The following SENP7 variants were observed in gnomAD, a reference collection of about 807,000 sequenced individuals.
SENP7 encodes the protein SUMO specific peptidase 7, also known as sentrin-specific protease 7.
In SENP7, 64 loss-of-function variants were observed where a neutral mutation model predicts 141.2. The ratio of observed to expected loss-of-function variants is 0.45; its 90% CI spans 0.37 to 0.56. SENP7 has a LOEUF of 0.56. Ranked by LOEUF, SENP7 falls within the 20% of genes least tolerant of loss-of-function variation. The pLI is 0.00. For synonymous variants in SENP7, 382 were observed against 426.4 expected, an observed-to-expected ratio of 0.90 and a Z score of 1.28; for missense variants, 1,025 against 1,212.2, an observed-to-expected ratio of 0.85 and a Z score of 2.29.
At chr3:101,449,239 G>A (rs999205475) in intron 4 of SENP7, among the ~76,000 whole-genome samples, 7 of 152,174 alleles carry the variant, frequency 4.6e-5, no homozygotes, top group Non-Finnish European at 8.8e-5. Context: ...CCAAATCTAC[G>A]TCTGATTGGT....
chr3:101,492,936 A>G (rs2065020871), intron 3 of SENP7, among the ~76,000 whole-genome samples: 2 of 152,156 alleles, frequency 1.3e-5, no homozygotes, highest in Admixed American at 1.3e-4. Flanking sequence ...GGATTCAATG[A>G]GCTATGAGTG....
chr3:101,381,260 G>A (rs899168185), intron 6 of SENP7, among the ~76,000 whole-genome samples: 1 of 152,054 alleles, frequency 6.6e-6, no homozygotes, highest in African/African-American at 2.4e-5. Context: ...TTAGACCTGT[G>A]TTATAGTTCT....
chr3:101,341,576 G>A, intron 15 of SENP7, 70 bp downstream of exon 15: 4 of 1,291,476 alleles, frequency 3.1e-6, no homozygotes, highest in Non-Finnish European at 4.1e-6. Context: ...TTAAACTACT[G>A]AAAAGCAGCA....
intron 4 of SENP7, among the ~76,000 whole-genome samples, chr3:101,452,805 G>A (rs1342194958): frequency 1.3e-5 from 2 of 152,180 alleles, no homozygotes; most frequent in Non-Finnish European, 2.9e-5. Flanking sequence ...ATAGGCATGG[G>A]CAAGGACTTC....
At chr3:101,424,654 C>T (rs1559804141) in intron 4 of SENP7, among the ~76,000 whole-genome samples, 2 of 152,102 alleles carry the variant, frequency 1.3e-5, no homozygotes, top group Non-Finnish European at 2.9e-5. Flanking sequence ...CCACCACACC[C>T]GTGCCAACAT....
At chr3:101,343,457 CTATT>C (rs2059379809) in intron 14 of SENP7, among the ~76,000 whole-genome samples, 1 of 151,906 alleles carries the variant, frequency 6.6e-6, no homozygotes, top group African/African-American at 2.4e-5. Context: ...ACTCAGTTAT[CTATT>C]TATATAAATA....
At chr3:101,417,104 T>C (rs2061646137) in intron 5 of SENP7, among the ~76,000 whole-genome samples, 1 of 152,140 alleles carries the variant, frequency 6.6e-6, no homozygotes, top group South Asian at 2.1e-4. Context: ...AGAGGCAATA[T>C]TTTAACATCA....
At chr3:101,388,559 A>G (rs778344208) in intron 6 of SENP7, among the ~76,000 whole-genome samples, 1 of 152,256 alleles carries the variant, frequency 6.6e-6, no homozygotes, top group African/African-American at 2.4e-5. Flanking sequence ...AGATGTGCAG[A>G]TATCAATGTA....
intron 14 of SENP7, among the ~76,000 whole-genome samples, chr3:101,342,054 C>A (rs1037369255): frequency 6.6e-6 from 1 of 151,428 alleles, no homozygotes; most frequent in South Asian, 2.1e-4. Flanking sequence ...TCAAAATAAT[C>A]AAAAAATGTA....
chr3:101,422,864 G>C (rs1482039465), intron 4 of SENP7, among the ~76,000 whole-genome samples: 2 of 151,168 alleles, frequency 1.3e-5, no homozygotes, highest in East Asian at 3.9e-4. Context: ...AAATACACTG[G>C]TTTTCCAGAA....
At chr3:101,381,350 T>G (rs1422359245) in intron 6 of SENP7, among the ~76,000 whole-genome samples, 1 of 152,156 alleles carries the variant, frequency 6.6e-6, no homozygotes, top group Non-Finnish European at 1.5e-5. Flanking sequence ...CTCCTATCTA[T>G]CTCATAGGCC....
chr3:101,441,629 C>T (rs1410508747), intron 4 of SENP7, among the ~76,000 whole-genome samples: 4 of 152,162 alleles, frequency 2.6e-5, no homozygotes, highest in African/African-American at 7.2e-5. Context: ...CTGTCACCTA[C>T]CTCGGCCACA....
In SENP7 at chr3:101,501,492, A is replaced by G. The variant is rs73862805; in HGVS notation, c.41-373T>C. On this transcript the variant is annotated intron_variant, in intron 1 of 23. Transcript: ENST00000394095. ...AAATTCTTATAATGGGGGAGGTAGA[A>G]GCAGGTGAAATTCTAGAAGTTAGAA... is the stretch of plus-strand genomic sequence containing the variant. Among the ~76,000 whole-genome samples the G allele has an allele frequency of 9.7e-3, 1,481 of 152,256 alleles. 28 individuals carry two copies. Among genetic ancestry groups the G allele is most frequent in the African/African-American group, 0.034 (1,400 of 41,540 alleles).
At chr3:101,485,911 GA>G in intron 3 of SENP7, among the ~76,000 whole-genome samples, 1 of 151,846 alleles carries the variant, frequency 6.6e-6, no homozygotes, top group Admixed American at 6.6e-5. Flanking sequence ...ATCGCTTAAA[GA>G]AAAAAAACAA....
intron 5 of SENP7, among the ~76,000 whole-genome samples, chr3:101,417,195 A>AT (rs2061648062): frequency 6.6e-6 from 1 of 151,888 alleles, no homozygotes; most frequent in African/African-American, 2.4e-5. Flanking sequence ...TAACATTTTG[A>AT]AAGAATGTTA....
At chr3:101,347,109 C>T (rs115967939) in intron 13 of SENP7, among the ~76,000 whole-genome samples, 2 of 151,918 alleles carry the variant, frequency 1.3e-5, no homozygotes, top group Non-Finnish European at 1.5e-5. Flanking sequence ...GTAGTCCCAG[C>T]TACTTGGGAG....
At chr3:101,359,276 G>T (rs1345298491) in intron 11 of SENP7, 1 of 151,922 alleles carries the variant, frequency 6.6e-6, no homozygotes, top group Non-Finnish European at 1.5e-5. Flanking sequence ...AGCCATTAAT[G>T]CTAGTGATTT....
chr3:101,348,124 A>C, intron 12 of SENP7, 73 bp from the exon 13 acceptor site: 1 of 871,824 alleles, frequency 1.1e-6, no homozygotes, highest in East Asian at 2.7e-5. Context: ...ATTATATGAC[A>C]CTTGTTAATA....
chr3:101,395,365 A>G (rs185166675), intron 6 of SENP7, among the ~76,000 whole-genome samples: 4 of 152,182 alleles, frequency 2.6e-5, no homozygotes, highest in Non-Finnish European at 4.4e-5. Context: ...TCTTCTGCAT[A>G]TTTTCCCAGG....
Sources: allele counts gnomAD v4.1 joint callset (sites outside exome capture counted in the v4.1 genomes callset), GRCh38; gene constraint gnomAD v4.1.1; transcripts MANE v1.5; gene names NCBI Gene and HGNC (gene_info 2026-07-23, HGNC 2026-07-21).